The following GABRA3 variants were observed in gnomAD, a reference collection of about 807,000 sequenced individuals.
GABRA3 encodes gamma-aminobutyric acid type A receptor subunit alpha3, also known as gamma-aminobutyric acid receptor subunit alpha-3.
In GABRA3, 10 loss-of-function variants were observed where a neutral mutation model predicts 30.1. The ratio of observed to expected loss-of-function variants is 0.33; its 90% CI spans 0.20 to 0.56. The LOEUF (loss-of-function observed/expected upper bound fraction) is 0.56, where lower values mean the gene tolerates loss of function less well. Ranked by LOEUF, GABRA3 falls within the 20% of genes least tolerant of loss-of-function variation. The pLI is 0.89. For missense variants in GABRA3, 233 were observed against 392.0 expected (o/e 0.59, Z 3.42); for synonymous variants, 151 against 146.8 (o/e 1.03, Z -0.21).
At position 152,225,432 on chromosome X, in the gene GABRA3, G is replaced by GCACA. The variant is rs60046142; in HGVS notation, c.552-591_552-588dup. Among the ~76,000 whole-genome samples, 939 of 96,501 alleles carry GCACA rather than the reference G, an allele frequency of 9.7e-3. 16 individuals carry two copies. Among genetic ancestry groups the GCACA allele is most frequent in the African/African-American group, 0.032 (856 of 26,468 alleles). 83.8% of individuals were successfully genotyped at this position (96,501 alleles called of 115,157 possible). ...CACACACACACGCACACACACACAC[G>GCACA]CACACACACACACACACACACACAC... is the stretch of plus-strand genomic sequence containing the variant. On this transcript the variant is annotated intron_variant, in intron 5 of 9. Transcript: ENST00000370314.
intron 1 of GABRA3, among the ~76,000 whole-genome samples, chrX:152,428,985 T>C (rs920737653): frequency 1.8e-5 from 2 of 109,747 alleles, no homozygotes; most frequent in Non-Finnish European, 3.8e-5. Context: ...GAAAATGGAG[T>C]GACTGATTAT....
intron 1 of GABRA3, among the ~76,000 whole-genome samples, chrX:152,398,761 C>T (rs1470449791): frequency 1.8e-5 from 2 of 111,282 alleles, no homozygotes; most frequent in Non-Finnish European, 3.8e-5. Context: ...AATACATTTG[C>T]TCAAGAATAT....
chrX:152,360,475 C>A (rs1459520998), intron 2 of GABRA3, among the ~76,000 whole-genome samples: 1 of 96,597 alleles, frequency 1.0e-5, no homozygotes, highest in Non-Finnish European at 2.1e-5. Context: ...CATATTCTCA[C>A]TCATAGGTGG....
chrX:152,427,056 T>TA lies in GABRA3; in HGVS notation c.-27+24089dup, dbSNP rs1213396704. 9.8e-5 allele frequency among the ~76,000 whole-genome samples: 11 copies of TA among 111,704 alleles called. No homozygotes were observed. The Admixed American group carries it at 1.0e-3, about 11-fold the overall frequency. On this transcript the variant is annotated intron_variant, in intron 1 of 9. Transcript: ENST00000370314. The stretch of plus-strand genomic sequence containing the variant: ...CAATAACCCAATACGGCAGGTATGT[T>TA]ATGCTGCCTCCTCATTACTGTTCTC...
At chrX:152,322,693 C>T (rs1479156683) in intron 3 of GABRA3, among the ~76,000 whole-genome samples, 3 of 107,487 alleles carry the variant, frequency 2.8e-5, no homozygotes, top group Non-Finnish European at 5.8e-5. Flanking sequence ...ACTACCACAC[C>T]CAGATAATTT....
chrX:152,384,245 A>G (rs2124509607), intron 1 of GABRA3, among the ~76,000 whole-genome samples: 1 of 111,864 alleles, frequency 8.9e-6, no homozygotes, highest in African/African-American at 3.2e-5. Flanking sequence ...AAATGGAAAG[A>G]TAGCTCATGT....
At chrX:152,358,551 T>C (rs1184186148) in intron 2 of GABRA3, among the ~76,000 whole-genome samples, 1 of 111,414 alleles carries the variant, frequency 9.0e-6, no homozygotes, top group Non-Finnish European at 1.9e-5. Context: ...TCTTGCCTGA[T>C]TGCTCTGGCT....
chrX:152,444,905 C>A lies in GABRA3; in HGVS notation c.-27+6241G>T, dbSNP rs1299825127. ...TGAAACCCCGTCTCTACTAAAAATACAAAAAATTAGCCGGGCGTGGTGGCG... is the reference window on the plus strand; with the variant it reads ...TGAAACCCCGTCTCTACTAAAAATAAAAAAAATTAGCCGGGCGTGGTGGCG... On this transcript the variant is annotated intron_variant, in intron 1 of 9. Coordinates refer to ENST00000370314, the MANE Select transcript of GABRA3 (RefSeq NM_000808.4). Among the ~76,000 whole-genome samples, 171 of 94,035 alleles carry A rather than the reference C, an allele frequency of 1.8e-3. 1 individual carries two copies. The highest frequency in any genetic ancestry group is 5.1e-3 in the Middle Eastern group (1 of 197). 81.7% of individuals were successfully genotyped at this position (94,035 alleles called of 115,157 possible). A position where few individuals can be genotyped will look rare whatever the true frequency, so the allele number is the denominator to read the frequency against.
chrX:152,304,783 T>A (rs1428911165), intron 3 of GABRA3, among the ~76,000 whole-genome samples: 1 of 111,872 alleles, frequency 8.9e-6, no homozygotes, highest in Non-Finnish European at 1.9e-5. Context: ...CTCAGACTGT[T>A]TTTTTGTTGT....
intron 3 of GABRA3, among the ~76,000 whole-genome samples, chrX:152,323,979 T>C (rs1422041025): frequency 1.8e-5 from 2 of 112,439 alleles, no homozygotes; most frequent in Non-Finnish European, 3.8e-5. Context: ...AGAAAAACAC[T>C]ATGTCTTATC....
chrX:152,361,828 T>C lies in GABRA3; in HGVS notation c.140+2603A>G, dbSNP rs570295904. Among the ~76,000 whole-genome samples the C allele has an allele frequency of 2.2e-4, 24 of 111,394 alleles. No individual in the cohort carries two copies. The South Asian group carries it at 6.3e-3, about 29-fold the overall frequency. On this transcript the variant is annotated intron_variant, in intron 2 of 9. Transcript: ENST00000370314. Reference sequence around the variant, plus strand: ...CAAAAGTCACAAAGAAATGGGACTATTCTGTTTAAAAAAATCCTTGTTTAG... The same window carrying C: ...CAAAAGTCACAAAGAAATGGGACTACTCTGTTTAAAAAAATCCTTGTTTAG...
chrX:152,433,202 A>G (rs189976971), intron 1 of GABRA3, among the ~76,000 whole-genome samples: 11 of 110,669 alleles, frequency 9.9e-5, no homozygotes, highest in African/African-American at 2.3e-4. Context: ...ATGGAGACAC[A>G]TTAGAAACAA....
intron 2 of GABRA3, among the ~76,000 whole-genome samples, chrX:152,356,012 C>A (rs1279510214): frequency 2.7e-5 from 3 of 111,426 alleles, no homozygotes; most frequent in Non-Finnish European, 5.7e-5. Flanking sequence ...GCTTCAGTTT[C>A]TTCAGGTACA....
At chrX:152,307,407 T>A (rs918371726) in intron 3 of GABRA3, among the ~76,000 whole-genome samples, 5 of 111,493 alleles carry the variant, frequency 4.5e-5, no homozygotes, top group African/African-American at 1.6e-4. Context: ...AAATGACTCA[T>A]CTCCTATGGA....
intron 5 of GABRA3, among the ~76,000 whole-genome samples, chrX:152,241,757 G>C: frequency 9.1e-6 from 1 of 109,632 alleles, no homozygotes; most frequent in Non-Finnish European, 1.9e-5. Flanking sequence ...GGGTGGGAGT[G>C]ACCCGATTTT....
intron 1 of GABRA3, among the ~76,000 whole-genome samples, chrX:152,397,011 G>A (rs374016940): frequency 1.8e-5 from 2 of 111,823 alleles, no homozygotes; most frequent in South Asian, 7.6e-4. Flanking sequence ...CAGTGACAAA[G>A]GGCAATACTT....
intron 3 of GABRA3, among the ~76,000 whole-genome samples, chrX:152,290,160 A>G (rs774570803): frequency 8.9e-6 from 1 of 111,840 alleles, no homozygotes; most frequent in South Asian, 3.8e-4. Flanking sequence ...CTATTTCTCC[A>G]CATCCTCTCC....
At chrX:152,241,816 G>T (rs949852953) in intron 5 of GABRA3, among the ~76,000 whole-genome samples, 2 of 111,437 alleles carry the variant, frequency 1.8e-5, no homozygotes, top group Non-Finnish European at 3.8e-5. Flanking sequence ...GGAACTCCCT[G>T]ACCCCTTGCT....
intron 3 of GABRA3, among the ~76,000 whole-genome samples, chrX:152,321,505 C>T (rs186034094): frequency 9.0e-6 from 1 of 111,537 alleles, no homozygotes; most frequent in East Asian, 2.8e-4. Context: ...GTGCTGAGGG[C>T]CCTTGGAAAA....
Sources: gnomAD v4.1 joint callset for allele counts (sites outside exome capture counted in the v4.1 genomes callset) on GRCh38, gnomAD v4.1.1 for gene constraint, MANE v1.5 for transcripts, NCBI Gene and HGNC (gene_info 2026-07-23, HGNC 2026-07-21) for gene names.